MICU3: variants seen among roughly 807,000 people sequenced by gnomAD.
MICU3 encodes calcium uptake protein 3, mitochondrial.
In MICU3, 62 loss-of-function variants were observed where a neutral mutation model predicts 66.5. The ratio of observed to expected loss-of-function variants is 0.93; its 90% CI spans 0.76 to 1.15. The LOEUF is 1.15. MICU3 is among the 50% of genes most tolerant of loss of function. The pLI is 0.00. For synonymous variants in MICU3, 308 were observed against 240.7 expected, an observed-to-expected ratio of 1.28 and a Z score of -2.59; for missense variants, 779 against 664.4, an observed-to-expected ratio of 1.17 and a Z score of -1.90.
rs766791079 is a variant in MICU3, at chr8:17,104,376, T to A, written c.985-15T>A. The A allele has an allele frequency of 2.3e-6, 3 of 1,311,728 alleles. No homozygotes were observed. The highest frequency in any genetic ancestry group is 5.2e-5 in the Admixed American group (2 of 38,156). 81.3% of individuals were successfully genotyped at this position (1,311,728 alleles called of 1,614,324 possible). On this transcript the variant is annotated splice_polypyrimidine_tract_variant and intron_variant, in intron 9 of 14. Coordinates refer to ENST00000318063, the MANE Select transcript of MICU3 (RefSeq NM_181723.3). ...TTTATTGAAGCTAACTTTTAAATTGTGATTTTTTTTTAAGCGTGCTGATGA... is the reference window on the plus strand; with the variant it reads ...TTTATTGAAGCTAACTTTTAAATTGAGATTTTTTTTTAAGCGTGCTGATGA...
At chr8:17,077,713 A>G in intron 3 of MICU3, 70 bp from the exon 4 acceptor site, 1 of 1,087,698 alleles carries the variant, frequency 9.2e-7, no homozygotes, top group Non-Finnish European at 1.4e-6. Flanking sequence ...ATGGACATTT[A>G]AACATGTTTT....
chr8:17,069,820 A>G (rs1819278972), intron 3 of MICU3, 101 bp downstream of exon 3: 2 of 382,454 alleles, frequency 5.2e-6, no homozygotes, highest in Admixed American at 5.1e-5. Context: ...ATGTATTTTT[A>G]TATATTTTAT....
At chr8:17,081,623 CATT>C (rs1310983089) in intron 4 of MICU3, 67 bp from the exon 5 acceptor site, 3 of 423,982 alleles carry the variant, frequency 7.1e-6, no homozygotes, top group East Asian at 4.6e-5. Context: ...ACTACAAGCT[CATT>C]ATTTATAGCA....
chr8:17,075,417 G>A (rs1280983163), intron 3 of MICU3, among the ~76,000 whole-genome samples: 2 of 152,080 alleles, frequency 1.3e-5, no homozygotes, highest in South Asian at 2.1e-4. Context: ...CCCCTCCTGA[G>A]TCATCTCCTT....
At chr8:17,112,892 C>A (rs1353140080) in intron 11 of MICU3, among the ~76,000 whole-genome samples, 1 of 152,118 alleles carries the variant, frequency 6.6e-6, no homozygotes, top group Non-Finnish European at 1.5e-5. Context: ...CACGACAAAC[C>A]CTTTCTGGTG....
intron 4 of MICU3, among the ~76,000 whole-genome samples, chr8:17,080,481 G>C (rs1437446770): frequency 6.6e-6 from 1 of 152,134 alleles, no homozygotes; most frequent in East Asian, 1.9e-4. Context: ...CAGTTAGTGA[G>C]ATGGGATTAT....
the MICU3 span, among the ~76,000 whole-genome samples, chr8:17,137,746 C>A: frequency 2.0e-4 from 24 of 122,058 alleles, no homozygotes; most frequent in Admixed American, 1.1e-4. Flanking sequence ...GAGACAGAGT[C>A]TCACTCTGTC....
At chr8:17,085,807 T>A (rs180806495) in intron 6 of MICU3, among the ~76,000 whole-genome samples, 24 of 152,234 alleles carry the variant, frequency 1.6e-4, no homozygotes, top group African/African-American at 5.3e-4. Flanking sequence ...AGGCTGATAG[T>A]TCTTAGATAT....
chr8:17,103,392 A>C (rs559522526), intron 9 of MICU3, among the ~76,000 whole-genome samples: 1 of 151,928 alleles, frequency 6.6e-6, no homozygotes, highest in African/African-American at 2.4e-5. Context: ...ATGGAGTACT[A>C]TAAGAGTTCT....
At chr8:17,033,529 C>T (rs112167583) in intron 1 of MICU3, among the ~76,000 whole-genome samples, 76 of 152,144 alleles carry the variant, frequency 5.0e-4, no homozygotes, top group African/African-American at 1.7e-3. Context: ...TCCGCCTCGC[C>T]GGGTTCATAC....
chr8:17,088,285 G>C (rs969004255), intron 7 of MICU3, among the ~76,000 whole-genome samples: 1 of 151,916 alleles, frequency 6.6e-6, no homozygotes, highest in African/African-American at 2.4e-5. Flanking sequence ...TGTTAGTCAA[G>C]TATCAAAAGG....
intron 8 of MICU3, among the ~76,000 whole-genome samples, chr8:17,095,312 G>A (rs971888342): frequency 2.6e-5 from 4 of 151,824 alleles, no homozygotes; most frequent in African/African-American, 7.3e-5. Flanking sequence ...CTAGATTAAG[G>A]ATATATTCTT....
At chr8:17,128,229 T>TACACAC in the MICU3 span, among the ~76,000 whole-genome samples, 992 of 144,514 alleles carry the variant, frequency 6.9e-3, 7 homozygotes, top group African/African-American at 0.021. Flanking sequence ...GAGATCAGTG[T>TACACAC]ACACACACAC....
intron 1 of MICU3, among the ~76,000 whole-genome samples, chr8:17,036,410 A>G (rs1226355188): frequency 3.9e-5 from 6 of 152,054 alleles, no homozygotes; most frequent in Non-Finnish European, 4.4e-5. Flanking sequence ...CGGGTTGCCA[A>G]TGCTGGCTCG....
At chr8:17,118,489 A>G (rs921874108) in intron 13 of MICU3, among the ~76,000 whole-genome samples, 3 of 152,196 alleles carry the variant, frequency 2.0e-5, no homozygotes, top group African/African-American at 4.8e-5. Context: ...TTACTGCACA[A>G]TAGATCTCAA....
intron 11 of MICU3, 54 bp downstream of exon 11, chr8:17,105,638 C>G (rs1438049095): frequency 1.9e-6 from 2 of 1,040,668 alleles, no homozygotes; most frequent in East Asian, 5.5e-5. Context: ...ATACGTGCCT[C>G]TAAAACACAT....
At chr8:17,133,622 G>T in the MICU3 span, among the ~76,000 whole-genome samples, 1 of 151,338 alleles carries the variant, frequency 6.6e-6, no homozygotes, top group Admixed American at 6.6e-5. Flanking sequence ...ATATTTTATT[G>T]TTTCTATTTT....
intron 3 of MICU3, among the ~76,000 whole-genome samples, chr8:17,072,542 AAC>A (rs1234942262): frequency 6.6e-6 from 1 of 152,136 alleles, no homozygotes; most frequent in Admixed American, 6.5e-5. Flanking sequence ...TTAGCATCAA[AAC>A]ACAGTGTAAA....
At chr8:17,045,463 T>C (rs1814912689) in intron 1 of MICU3, among the ~76,000 whole-genome samples, 1 of 152,154 alleles carries the variant, frequency 6.6e-6, no homozygotes, top group Non-Finnish European at 1.5e-5. Flanking sequence ...TTCAACATGG[T>C]TTTCCATGTT....
Sources: allele counts gnomAD v4.1 joint callset (sites outside exome capture counted in the v4.1 genomes callset), GRCh38; gene constraint gnomAD v4.1.1; transcripts MANE v1.5; gene names NCBI Gene and HGNC (gene_info 2026-07-23, HGNC 2026-07-21).